The following PLCL1 variants were observed in gnomAD, a reference collection of about 807,000 sequenced individuals.
PLCL1 encodes the protein phospholipase C like 1 (inactive).
In PLCL1, 41 loss-of-function variants were observed where a neutral mutation model predicts 84.4. That is an observed-to-expected ratio of 0.49 (90% confidence interval 0.38 to 0.63). The LOEUF (loss-of-function observed/expected upper bound fraction) is 0.63. Ranked by LOEUF, PLCL1 falls within the 30% of genes least tolerant of loss-of-function variation. PLCL1 has a pLI of 0.00. For missense variants in PLCL1, 1,206 were observed against 1,367.8 expected, an observed-to-expected ratio of 0.88 and a Z score of 1.87; for synonymous variants, 490 against 488.3, an observed-to-expected ratio of 1.00 and a Z score of -0.05.
intron 1 of PLCL1, among the ~76,000 whole-genome samples, chr2:197,917,575 C>G (rs1000853540): frequency 1.3e-5 from 2 of 151,980 alleles, no homozygotes; most frequent in Admixed American, 6.6e-5. Flanking sequence ...TGTTAAAACC[C>G]ATAGAACTTT....
rs773415674 is a variant in PLCL1, at chr2:197,891,574, ATT to A, written c.240+86250_240+86251del. Among the ~76,000 whole-genome samples, 505 of 141,790 alleles carry A rather than the reference ATT, an allele frequency of 3.6e-3. 4 individuals carry two copies. The highest frequency in any genetic ancestry group is 0.012 in the African/African-American group (467 of 38,498). The allele number at this position is 141,790 out of a possible 152,430, so 93.0% of individuals were successfully genotyped here. A position where few individuals can be genotyped will look rare whatever the true frequency, so the allele number is the denominator to read the frequency against. The stretch of plus-strand genomic sequence containing the variant: ...TTGACTGTCATACTGAGGGCTTTAG[ATT>A]TTTTTTTTTTTTTTGATAGGTGAAG... On this transcript the variant is annotated intron_variant, in intron 1 of 5. Coordinates refer to ENST00000428675, the MANE Select transcript of PLCL1 (RefSeq NM_006226.4).
chr2:197,965,032 T>C (rs912646430), intron 1 of PLCL1, among the ~76,000 whole-genome samples: 4 of 152,150 alleles, frequency 2.6e-5, no homozygotes, highest in African/African-American at 2.4e-5. Context: ...TATTGATGTA[T>C]CTTTGTCTGA....
At chr2:197,915,782 C>G (rs1688588190) in intron 1 of PLCL1, among the ~76,000 whole-genome samples, 1 of 152,170 alleles carries the variant, frequency 6.6e-6, no homozygotes, top group East Asian at 1.9e-4. Flanking sequence ...AAAGCTCTGA[C>G]TCAAGTGGTT....
intron 1 of PLCL1, among the ~76,000 whole-genome samples, chr2:197,833,526 A>G (rs955714945): frequency 3.9e-5 from 6 of 152,158 alleles, no homozygotes; most frequent in Non-Finnish European, 7.3e-5. Flanking sequence ...ATTCCCATAC[A>G]CCAATAATAG....
chr2:197,973,866 T>C (rs917297356), intron 1 of PLCL1, among the ~76,000 whole-genome samples: 9 of 152,242 alleles, frequency 5.9e-5, no homozygotes, highest in African/African-American at 2.2e-4. Context: ...CCCTGATTTG[T>C]ATACTCTTCT....
chr2:197,892,113 C>T (rs191336842), intron 1 of PLCL1, among the ~76,000 whole-genome samples: 5 of 152,284 alleles, frequency 3.3e-5, no homozygotes, highest in Admixed American at 1.3e-4. Context: ...TGTTTACTCA[C>T]GATTTACTAT....
In PLCL1 at chr2:198,006,647, A is replaced by G. The variant is rs555019530; in HGVS notation, c.241-77111A>G. 4.6e-5 allele frequency among the ~76,000 whole-genome samples: 7 copies of G among 152,302 alleles called. No individual in the cohort carries two copies. The East Asian group carries it at 1.4e-3, about 29-fold the overall frequency. ...ACCTTTGGTGGGTGTACATAATGTG[A>G]TGAAGGATTCTCTTCCTGGAGAGGC... On this transcript the variant is annotated intron_variant, in intron 1 of 5. Transcript: ENST00000428675.
chr2:197,895,235 C>T (rs963962229), intron 1 of PLCL1, among the ~76,000 whole-genome samples: 2 of 151,884 alleles, frequency 1.3e-5, no homozygotes, highest in African/African-American at 4.8e-5. Flanking sequence ...GACATCTCTC[C>T]CCATCCTCCA....
intron 1 of PLCL1, among the ~76,000 whole-genome samples, chr2:197,931,914 C>A (rs2105766111): frequency 6.6e-6 from 1 of 152,266 alleles, no homozygotes; most frequent in Non-Finnish European, 1.5e-5. Context: ...GGGCTGTGGT[C>A]ATTTTACATA....
chr2:198,029,700 C>CCT (rs1691360629), intron 1 of PLCL1, among the ~76,000 whole-genome samples: 1 of 97,650 alleles, frequency 1.0e-5, no homozygotes, highest in African/African-American at 4.0e-5. Context: ...CCTCTTCTCT[C>CCT]CTCTTCTCTC....
chr2:197,914,332 A>ATTT (rs111348712), intron 1 of PLCL1, among the ~76,000 whole-genome samples: 2 of 145,238 alleles, frequency 1.4e-5, no homozygotes, highest in African/African-American at 5.0e-5. Context: ...TTTTTATGTT[A>ATTT]TTTTTTTTTT....
chr2:197,983,983 T>C lies in PLCL1; in HGVS notation c.241-99775T>C, dbSNP rs568022581. ...TGATTTAACTTTATTAGTTGAATCTTCCATATGCCTTCAAGGGAAGCATAA... is the reference window on the plus strand; with the variant it reads ...TGATTTAACTTTATTAGTTGAATCTCCCATATGCCTTCAAGGGAAGCATAA... On this transcript the variant is annotated intron_variant, in intron 1 of 5. Transcript: ENST00000428675. Among the ~76,000 whole-genome samples the C allele has an allele frequency of 2.0e-5, 3 of 152,358 alleles. No homozygotes were observed. In the South Asian group the frequency reaches 6.2e-4, roughly 32 times the overall value.
chr2:197,940,742 C>T (rs930359585), intron 1 of PLCL1, among the ~76,000 whole-genome samples: 11 of 152,166 alleles, frequency 7.2e-5, no homozygotes, highest in Admixed American at 2.0e-4. Context: ...ATGTCTATTA[C>T]GCCATATTAC....
At chr2:198,000,147 G>T (rs531346499) in intron 1 of PLCL1, among the ~76,000 whole-genome samples, 9 of 152,042 alleles carry the variant, frequency 5.9e-5, no homozygotes, top group African/African-American at 9.7e-5. Flanking sequence ...CTAAAAGAAA[G>T]ATGATGCCAG....
chr2:198,078,151 T>C (rs186365532), intron 1 of PLCL1, among the ~76,000 whole-genome samples: 8 of 152,318 alleles, frequency 5.3e-5, no homozygotes, highest in African/African-American at 1.9e-4. Context: ...TTAGCACATA[T>C]GCAGAGTGAT....
At chr2:198,110,378 T>C (rs1329581770) in intron 5 of PLCL1, among the ~76,000 whole-genome samples, 1 of 151,916 alleles carries the variant, frequency 6.6e-6, no homozygotes, top group Non-Finnish European at 1.5e-5. Context: ...TCTCCGTGTG[T>C]AGTTATGTTT....
chr2:197,943,079 C>T (rs528760826), intron 1 of PLCL1, among the ~76,000 whole-genome samples: 5 of 150,344 alleles, frequency 3.3e-5, no homozygotes, highest in African/African-American at 9.8e-5. Flanking sequence ...CAGTGGCATG[C>T]GTGGGATTGT....
intron 1 of PLCL1, among the ~76,000 whole-genome samples, chr2:197,822,364 C>A (rs1239232294): frequency 6.6e-6 from 1 of 152,162 alleles, no homozygotes; most frequent in East Asian, 1.9e-4. Context: ...TCAAGTTATT[C>A]TCTGACACTT....
At chr2:198,005,084 G>A (rs1229468956) in intron 1 of PLCL1, among the ~76,000 whole-genome samples, 1 of 152,176 alleles carries the variant, frequency 6.6e-6, no homozygotes, top group African/African-American at 2.4e-5. Flanking sequence ...GGGTAGGGAG[G>A]TGAGTTTTTA....
Sources: gnomAD v4.1 joint callset for allele counts (sites outside exome capture counted in the v4.1 genomes callset) on GRCh38, gnomAD v4.1.1 for gene constraint, MANE v1.5 for transcripts, NCBI Gene and HGNC (gene_info 2026-07-23, HGNC 2026-07-21) for gene names.